The following STK3 variants were observed in gnomAD, a reference collection of about 807,000 sequenced individuals.
The protein encoded by STK3 is serine/threonine-protein kinase 3.
Under a neutral mutation model 58.0 loss-of-function variants are expected in STK3, and 41 were observed. That is an observed-to-expected ratio of 0.71 (90% CI 0.55 to 0.92). The LOEUF is 0.92. Ranked by LOEUF, STK3 falls within the 40% of genes least tolerant of loss-of-function variation. The probability of loss-of-function intolerance (pLI) is 0.00; values close to 1 mark genes in which losing one functional copy is unlikely to be tolerated. For missense variants in STK3, 479 were observed against 602.7 expected (o/e 0.79, Z 2.15); for synonymous variants, 170 against 191.0 (o/e 0.89, Z 0.91).
intron 6 of STK3, among the ~76,000 whole-genome samples, chr8:98,628,895 C>T (rs1349696580): frequency 2.7e-5 from 4 of 148,092 alleles, no homozygotes; most frequent in East Asian, 2.0e-4. Context: ...ATAAAGTAGA[C>T]GAAGGCAACA....
chr8:98,925,266 C>T (rs1461669364), intron 1 of STK3, among the ~76,000 whole-genome samples: 7 of 152,210 alleles, frequency 4.6e-5, no homozygotes, highest in Non-Finnish European at 4.4e-5. Flanking sequence ...ATTTTTCTGC[C>T]TGGCTTATTG....
intron 3 of STK3, among the ~76,000 whole-genome samples, chr8:98,758,434 C>CA (rs1406353340): frequency 2.6e-5 from 4 of 152,212 alleles, no homozygotes; most frequent in Non-Finnish European, 5.9e-5. Context: ...AGCAGTACAT[C>CA]AAAAAACTAA....
At chr8:98,449,802 C>T (rs1167477656), downstream of STK3, among the ~76,000 whole-genome samples, 3 of 152,226 alleles carry the variant, frequency 2.0e-5, no homozygotes, top group Non-Finnish European at 2.9e-5. Context: ...CTTGATACTG[C>T]GTTAGTTCTC....
At chr8:98,549,598 A>G (rs1810999269) in intron 8 of STK3, among the ~76,000 whole-genome samples, 1 of 152,108 alleles carries the variant, frequency 6.6e-6, no homozygotes, top group Non-Finnish European at 1.5e-5. Context: ...TGATTTATCA[A>G]TTTTTTGCTT....
At chr8:98,618,328 C>G (rs1316117903) in intron 6 of STK3, among the ~76,000 whole-genome samples, 1 of 148,362 alleles carries the variant, frequency 6.7e-6, no homozygotes, top group Non-Finnish European at 1.5e-5. Flanking sequence ...ATAATAAGAG[C>G]TATCTATGAC....
chr8:98,931,542 G>A (rs1399244925), intron 1 of STK3, among the ~76,000 whole-genome samples: 1 of 152,218 alleles, frequency 6.6e-6, no homozygotes, highest in African/African-American at 2.4e-5. Flanking sequence ...AGCCTCTGCT[G>A]TGGTCAGTGG....
intron 7 of STK3, among the ~76,000 whole-genome samples, chr8:98,581,668 GTT>G (rs1813894111): frequency 6.6e-6 from 1 of 151,158 alleles, no homozygotes; most frequent in African/African-American, 2.4e-5. Context: ...GAAAGAGCAG[GTT>G]TTTATTTCTA....
At chr8:98,823,215 T>C (rs541869537) in intron 1 of STK3, among the ~76,000 whole-genome samples, 2 of 152,206 alleles carry the variant, frequency 1.3e-5, no homozygotes, top group African/African-American at 4.8e-5. Context: ...GAGTAAGACC[T>C]ACCTGAAAAA....
intron 8 of STK3, among the ~76,000 whole-genome samples, chr8:98,551,938 A>G (rs1371049568): frequency 6.6e-6 from 1 of 152,082 alleles, no homozygotes; most frequent in African/African-American, 2.4e-5. Flanking sequence ...TTTATATCTG[A>G]AAACACTGAG....
At chr8:98,530,912 T>G (rs547152819) in intron 9 of STK3, among the ~76,000 whole-genome samples, 1 of 152,348 alleles carries the variant, frequency 6.6e-6, no homozygotes, top group East Asian at 1.9e-4. Context: ...CAACTCTTCA[T>G]CTGTTCAAGT....
chr8:98,359,522 C>CAAA, the STK3 span, among the ~76,000 whole-genome samples: 23 of 114,504 alleles, frequency 2.0e-4, no homozygotes, highest in African/African-American at 7.4e-4. Flanking sequence ...GACTCTGGCT[C>CAAA]AAAAAAAAAA....
intron 10 of STK3, among the ~76,000 whole-genome samples, chr8:98,458,121 A>T: frequency 6.6e-6 from 1 of 151,942 alleles, no homozygotes. Flanking sequence ...ATATACACAC[A>T]CACACACACA....
At chr8:98,710,901 A>G (rs1774465758) in intron 4 of STK3, among the ~76,000 whole-genome samples, 1 of 152,222 alleles carries the variant, frequency 6.6e-6, no homozygotes, top group African/African-American at 2.4e-5. Flanking sequence ...GTAGGGGCAG[A>G]CTGACACCTC....
intron 4 of STK3, among the ~76,000 whole-genome samples, chr8:98,711,079 C>T (rs558951802): frequency 6.6e-6 from 1 of 152,300 alleles, no homozygotes; most frequent in Non-Finnish European, 1.5e-5. Context: ...GCTGAGGGTC[C>T]TGACAGAAGG....
upstream of STK3, among the ~76,000 whole-genome samples, chr8:98,390,499 T>C (rs903543839): frequency 2.0e-5 from 3 of 152,330 alleles, no homozygotes; most frequent in South Asian, 6.2e-4. Context: ...AGTGGCTGGG[T>C]ATGGATTTCT....
intron 1 of STK3, chr8:98,437,812 C>T (rs1379506907): frequency 1.3e-5 from 2 of 152,210 alleles, no homozygotes; most frequent in African/African-American, 4.8e-5. Context: ...ATCACAGGAT[C>T]GGATTCTGCA....
chr8:98,700,091 C>A (rs939309421), intron 6 of STK3, among the ~76,000 whole-genome samples: 1 of 152,194 alleles, frequency 6.6e-6, no homozygotes, highest in East Asian at 1.9e-4. Flanking sequence ...CCCCCAGCCT[C>A]GCTGCCGCCT....
chr8:98,671,564 T>C (rs1822832298), intron 6 of STK3, among the ~76,000 whole-genome samples: 2 of 152,050 alleles, frequency 1.3e-5, no homozygotes, highest in South Asian at 2.1e-4. Context: ...ATAAATTTTT[T>C]AGTTTGGGGT....
Position 98,622,024 on chromosome 8 carries a change from G to A in STK3, c.685-25855C>T, listed in dbSNP as rs1587059015. On this transcript the variant is annotated intron_variant, in intron 6 of 10. Transcript: ENST00000419617. ...AACGCCTGTAATCCCAGTACTTTGGGAGGCTGAGGCAGGCAGATCACTTGA... is the reference window on the plus strand; with the variant it reads ...AACGCCTGTAATCCCAGTACTTTGGAAGGCTGAGGCAGGCAGATCACTTGA... Among the ~76,000 whole-genome samples the A allele has an allele frequency of 1.3e-5, 2 of 151,328 alleles. 1 individual carries two copies. Among genetic ancestry groups the A allele is most frequent in the African/African-American group, 4.8e-5 (2 of 41,276 alleles).
Sources: gnomAD v4.1 joint callset for allele counts (sites outside exome capture counted in the v4.1 genomes callset) on GRCh38, gnomAD v4.1.1 for gene constraint, MANE v1.5 for transcripts, NCBI Gene and HGNC (gene_info 2026-07-23, HGNC 2026-07-21) for gene names.